APELA: variants seen among roughly 807,000 people sequenced by gnomAD.
APELA encodes protein Elabela.
In APELA at chr4:164,895,745, T is replaced by C. The variant is rs1730962650; in HGVS notation, c.*331T>C. On this transcript the variant is annotated 3_prime_UTR_variant, in exon 3 of 3. Transcript: ENST00000507152. ...TAAAAAGAAAAATACCTTTTAGTGT[T>C]TTAGAACTCTCTCATGGTAAAAAGT... 6.6e-6 allele frequency: 1 copy of C among 152,256 alleles called. No individual in the cohort carries two copies. The highest frequency in any genetic ancestry group is 1.5e-5 in the Non-Finnish European group (1 of 68,042). 9.4% of individuals were successfully genotyped at this position (152,256 alleles called of 1,614,324 possible). A position where few individuals can be genotyped will look rare whatever the true frequency, so the allele number is the denominator to read the frequency against.
At chr4:164,888,803 C>G (rs1730828040) in intron 2 of APELA, among the ~76,000 whole-genome samples, 1 of 152,126 alleles carries the variant, frequency 6.6e-6, no homozygotes, top group Non-Finnish European at 1.5e-5. Context: ...AAATAAAATT[C>G]TGAATGTAAA....
intron 2 of APELA, among the ~76,000 whole-genome samples, chr4:164,893,765 AC>A (rs1256338426): frequency 6.6e-6 from 1 of 151,808 alleles, no homozygotes; most frequent in Non-Finnish European, 1.5e-5. Flanking sequence ...TTGTTTTTTT[AC>A]CCCGTCTGAC....
At chr4:164,888,674 C>T (rs1055442660) in intron 2 of APELA, among the ~76,000 whole-genome samples, 15 of 152,212 alleles carry the variant, frequency 9.9e-5, no homozygotes, top group Non-Finnish European at 1.2e-4. Context: ...AGCTCAACGA[C>T]TGTTTACCTT....
intron 2 of APELA, among the ~76,000 whole-genome samples, chr4:164,892,911 C>T (rs552788528): frequency 2.0e-5 from 3 of 152,020 alleles, no homozygotes; most frequent in East Asian, 3.9e-4. Context: ...ATACTATTTT[C>T]TTATAGTTAT....
intron 2 of APELA, among the ~76,000 whole-genome samples, chr4:164,887,040 C>T (rs1045523493): frequency 2.8e-4 from 42 of 151,990 alleles, no homozygotes; most frequent in Admixed American, 2.2e-3. Context: ...GTTGGCCAAG[C>T]GGGTCTCAAA....
intron 2 of APELA, among the ~76,000 whole-genome samples, chr4:164,891,721 G>A (rs984070910): frequency 6.6e-6 from 1 of 152,036 alleles, no homozygotes; most frequent in African/African-American, 2.4e-5. Flanking sequence ...ACAAGCTCAC[G>A]TACAAGATCA....
intron 2 of APELA, among the ~76,000 whole-genome samples, chr4:164,884,964 T>C (rs1008676219): frequency 6.6e-6 from 1 of 152,194 alleles, no homozygotes; most frequent in South Asian, 2.1e-4. Context: ...ACTAGTTACA[T>C]ACTTCTGTTA....
chr4:164,878,345 G>A (rs1043690982), intron 1 of APELA, among the ~76,000 whole-genome samples: 26 of 152,124 alleles, frequency 1.7e-4, no homozygotes, highest in Non-Finnish European at 2.4e-4. Context: ...AACAGAAAAC[G>A]ATGCATCACT....
intron 2 of APELA, among the ~76,000 whole-genome samples, chr4:164,881,877 A>G: frequency 6.6e-6 from 1 of 151,760 alleles, no homozygotes; most frequent in Non-Finnish European, 1.5e-5. Context: ...TCTACCAAAA[A>G]AAAAAAAAAA....
intron 2 of APELA, among the ~76,000 whole-genome samples, chr4:164,894,503 T>G (rs2111070728): frequency 6.6e-6 from 1 of 152,092 alleles, no homozygotes. Flanking sequence ...TGCAACCTCT[T>G]TCTTCCAGGT....
downstream of APELA, among the ~76,000 whole-genome samples, chr4:164,898,148 C>T (rs1731012873): frequency 6.6e-6 from 1 of 151,944 alleles, no homozygotes; most frequent in Non-Finnish European, 1.5e-5. Flanking sequence ...GCCTCGGCCT[C>T]CCAAAATGCT....
At chr4:164,886,441 C>T (rs753571852) in intron 2 of APELA, among the ~76,000 whole-genome samples, 2 of 151,872 alleles carry the variant, frequency 1.3e-5, no homozygotes, top group Admixed American at 6.6e-5. Context: ...CTTTTAAGAC[C>T]AGGAGTTTGA....
intron 2 of APELA, among the ~76,000 whole-genome samples, chr4:164,879,779 T>C (rs1200755190): frequency 2.6e-5 from 4 of 152,020 alleles, no homozygotes; most frequent in Admixed American, 2.6e-4. Context: ...TCAGGGTTTA[T>C]TTATTTTTTC....
chr4:164,886,323 C>T lies in APELA; in HGVS notation c.*1+7314C>T, dbSNP rs563608953. 8.5e-5 allele frequency among the ~76,000 whole-genome samples: 13 copies of T among 152,224 alleles called. No homozygotes were observed. The Middle Eastern group carries it at 0.01, about 119-fold the overall frequency. On this transcript the variant is annotated intron_variant, in intron 2 of 2. Transcript: ENST00000507152. Reference sequence around the variant, plus strand: ...ATGCTTGGAGGAAATCCCTAATGTCCCTAATTTACTGATGAGATAAAACTT... The same window carrying T: ...ATGCTTGGAGGAAATCCCTAATGTCTCTAATTTACTGATGAGATAAAACTT...
chr4:164,883,966 AGAG>A (rs1305533797), intron 2 of APELA, among the ~76,000 whole-genome samples: 15 of 151,610 alleles, frequency 9.9e-5, no homozygotes, highest in Admixed American at 5.9e-4. Context: ...ACAGAAAGAA[AGAG>A]GAGGAGAAGA....
Position 164,895,412 on chromosome 4 carries a change from A to G in APELA, c.*2-4A>G, listed in dbSNP as rs1011049958. 2.0e-5 allele frequency: 3 copies of G among 152,208 alleles called. No homozygotes were observed. The highest frequency in any genetic ancestry group is 4.8e-5 in the African/African-American group (2 of 41,428). The allele number at this position is 152,208 out of a possible 1,614,324, so 9.4% of individuals were successfully genotyped here. On this transcript the variant is annotated splice_region_variant and splice_polypyrimidine_tract_variant and intron_variant, in intron 2 of 2. Transcript: ENST00000507152. ...TTTGTTTCTCCCTTGCCTCTCAAAT[A>G]TAGATCTCTCTAGCTAACTTTACTG... is the stretch of plus-strand genomic sequence containing the variant.
chr4:164,880,257 C>G (rs1730631589), intron 2 of APELA, among the ~76,000 whole-genome samples: 1 of 152,084 alleles, frequency 6.6e-6, no homozygotes, highest in Non-Finnish European at 1.5e-5. Flanking sequence ...CTTTCCAAAC[C>G]CGGGGAAAGC....
At chr4:164,882,871 C>T (rs973488372) in intron 2 of APELA, among the ~76,000 whole-genome samples, 57 of 152,136 alleles carry the variant, frequency 3.7e-4, no homozygotes, top group African/African-American at 1.3e-3. Context: ...CGATAGTTTG[C>T]TGAGAATGAT....
chr4:164,884,191 CAAAG>C (rs753200964), intron 2 of APELA, among the ~76,000 whole-genome samples: 154 of 147,668 alleles, frequency 1.0e-3, no homozygotes, highest in African/African-American at 3.6e-3. Context: ...AAGAAAGAAA[CAAAG>C]AGAGAGGGAA....
Sources: gnomAD v4.1 joint callset for allele counts (sites outside exome capture counted in the v4.1 genomes callset) on GRCh38, gnomAD v4.1.1 for gene constraint, MANE v1.5 for transcripts, NCBI Gene and HGNC (gene_info 2026-07-23, HGNC 2026-07-21) for gene names.